The following METTL1 variants were observed in gnomAD, a reference collection of about 807,000 sequenced individuals.
METTL1 encodes tRNA (guanine-N(7)-)-methyltransferase.
In METTL1, 14 loss-of-function variants were observed where a neutral mutation model predicts 27.7. The ratio of observed to expected loss-of-function variants is 0.51; its 90% CI spans 0.33 to 0.79. The LOEUF is 0.79. Among genes scored for constraint, METTL1 ranks in the 30% least tolerant of loss-of-function variants. The pLI is 0.02. For synonymous variants in METTL1, 138 were observed against 137.0 expected, an observed-to-expected ratio of 1.01 and a Z score of -0.05; for missense variants, 333 against 359.6, an observed-to-expected ratio of 0.93 and a Z score of 0.60.
At position 57,768,860 on chromosome 12, in the gene METTL1, T is replaced by C; in HGVS notation, c.*136A>G. The C allele has an allele frequency of 9.1e-7, 1 of 1,098,784 alleles. No individual in the cohort carries two copies. Among genetic ancestry groups the C allele is most frequent in the Non-Finnish European group, 1.3e-6 (1 of 783,930 alleles). 68.1% of individuals were successfully genotyped at this position (1,098,784 alleles called of 1,614,324 possible). On this transcript the variant is annotated 3_prime_UTR_variant, in exon 6 of 6. Transcript: ENST00000324871. ...GGTAGTCATGAACACCAGTGGGTTC[T>C]GCCCTGGGCAGCTCCCCACCTTCTT...
chr12:57,769,278 C>T, intron 5 of METTL1, 25 bp downstream of exon 5: 3 of 1,613,186 alleles, frequency 1.9e-6, no homozygotes, highest in Non-Finnish European at 2.5e-6. Context: ...AAAGGGCCTC[C>T]ACCTCCTCTA....
rs749966401 is a variant in METTL1 at position 57,768,943 on chromosome 12, G to A, written c.*53C>T. 21 of 1,571,800 alleles carry A rather than the reference G, an allele frequency of 1.3e-5. No homozygotes were observed. The highest frequency in any genetic ancestry group is 1.8e-5 in the Non-Finnish European group (21 of 1,150,562). On this transcript the variant is annotated 3_prime_UTR_variant, in exon 6 of 6. Transcript: ENST00000324871. ...TCAACTGGGAAGACCCAGGACTCCT[G>A]CTCTTTTCTCTAATCCCTGGGAGAC...
intron 5 of METTL1, 72 bp downstream of exon 5, chr12:57,769,231 T>A: frequency 6.2e-7 from 1 of 1,610,704 alleles, no homozygotes; most frequent in South Asian, 1.1e-5. Context: ...CCCATCCTCC[T>A]GGCACTGAGT....
intron 4 of METTL1, 56 bp from the exon 5 acceptor site, chr12:57,769,460 T>A: frequency 6.2e-7 from 1 of 1,605,372 alleles, no homozygotes; most frequent in Non-Finnish European, 8.5e-7. Flanking sequence ...AGCAGCCAGA[T>A]GAAGGAAGTG....
At position 57,772,054 on chromosome 12, in the gene METTL1, T is replaced by C. The variant is rs1024737943; in HGVS notation, c.30A>G (p.Gly10=). ...GCTTCTGGGGCGGTGGGGCCTCTGC[T>C]CCGGCCACGTTCCGAGTCTCGGCTG... MAAETRNVA[G]AEAPPPQKRY... The change falls in exon 1 of 6, where the codon GGA becomes GGG. Residue 10 remains glycine, a synonymous_variant. Coordinates refer to ENST00000324871, the MANE Select transcript of METTL1 (RefSeq NM_005371.6). The surrounding 1 kb of genome is among the most constrained non-coding windows in gnomAD (Gnocchi z 4.1). 3 of 1,558,076 alleles carry C rather than the reference T, an allele frequency of 1.9e-6. No homozygotes were observed. Among genetic ancestry groups the C allele is most frequent in the Non-Finnish European group, 2.6e-6 (3 of 1,160,978 alleles).
chr12:57,771,306 G>T (rs747407524), intron 1 of METTL1, 49 bp from the exon 2 acceptor site: 2 of 1,499,006 alleles, frequency 1.3e-6, no homozygotes, highest in Non-Finnish European at 1.8e-6. Context: ...TCACACCATT[G>T]CAGAAGTGGT....
chr12:57,771,440 T>G, intron 1 of METTL1, 183 bp from the exon 2 acceptor site: 1 of 1,465,572 alleles, frequency 6.8e-7, no homozygotes, highest in Non-Finnish European at 9.0e-7. Flanking sequence ...TAACTCCCAG[T>G]GTGAATCATA....
chr12:57,769,204 G>A (rs1955396938), intron 5 of METTL1, 53 bp from the exon 6 acceptor site: 3 of 1,607,236 alleles, frequency 1.9e-6, no homozygotes, highest in Non-Finnish European at 2.6e-6. Flanking sequence ...GACTGCCCCT[G>A]GCCCTTAGAC....
rs1480184271 is a variant in METTL1, at chr12:57,772,036, G to C, written c.48C>G (p.Pro16=). Residue 16 remains proline, a synonymous_variant, in exon 1 of 6, where the codon CCC becomes CCG. Coordinates refer to ENST00000324871, the MANE Select transcript of METTL1 (RefSeq NM_005371.6). This position sits in a 1 kb window ranked among gnomAD's most constrained non-coding sequence, Gnocchi z 4.1. The part of the protein sequence containing the change: ...RNVAGAEAPP[P]QKRYYRQRAH... The stretch of plus-strand genomic sequence containing the variant: ...CACGTTGCCGGTAGTAGCGCTTCTG[G>C]GGCGGTGGGGCCTCTGCTCCGGCCA... 6.4e-7 allele frequency: 1 copy of C among 1,554,324 alleles called. No individual in the cohort carries two copies. Among genetic ancestry groups the C allele is most frequent in the South Asian group, 1.2e-5 (1 of 82,738 alleles).
Position 57,771,957 on chromosome 12 carries a change from C to G in METTL1, c.110+17G>C. 5 of 1,501,522 alleles carry G rather than the reference C, an allele frequency of 3.3e-6. No individual in the cohort carries two copies. In the Admixed American group the frequency reaches 1.3e-4, roughly 38 times the overall value. The allele number at this position is 1,501,522 out of a possible 1,614,324, so 93.0% of individuals were successfully genotyped here. ...GAGAATCCCGCCCTCCTCTCTCTCCCTCTGCCCACTCCTCACTAGCGCAGC... is the reference window on the plus strand; with the variant it reads ...GAGAATCCCGCCCTCCTCTCTCTCCGTCTGCCCACTCCTCACTAGCGCAGC... On this transcript the variant is annotated intron_variant, in intron 1 of 5. Transcript: ENST00000324871.
rs778162680 is a variant in METTL1 at position 57,772,080 on chromosome 12, C to T, written c.4G>A (p.Ala2Thr). MAAETRNVAGAE... is the reference protein window; with the variant it reads MTAETRNVAGAE... The stretch of plus-strand genomic sequence containing the variant: ...CCGGCCACGTTCCGAGTCTCGGCTG[C>T]CATGATCCCAGTCCGGGGTTTCTCT... The change falls in exon 1 of 6, where the codon GCA becomes ACA. Residue 2 changes from alanine to threonine, a missense_variant. By Grantham distance (58) the Ala-to-Thr change is moderately conservative. Coordinates refer to ENST00000324871, the MANE Select transcript of METTL1 (RefSeq NM_005371.6). The surrounding 1 kb of genome is among the most constrained non-coding windows in gnomAD (Gnocchi z 4.1). 3 of 1,566,626 alleles carry T rather than the reference C, an allele frequency of 1.9e-6. No homozygotes were observed. Among genetic ancestry groups the T allele is most frequent in the Middle Eastern group, 1.7e-4 (1 of 5,892 alleles).
chr12:57,771,290 G>A (rs757455494), intron 1 of METTL1, 33 bp from the exon 2 acceptor site: 2 of 1,605,950 alleles, frequency 1.2e-6, no homozygotes, highest in African/African-American at 1.3e-5. Context: ...AGCATGAGAA[G>A]GTTGGTCACA....
chr12:57,772,043 G>T lies in METTL1; in HGVS notation c.41C>A (p.Pro14Gln). 6.4e-7 allele frequency: 1 copy of T among 1,554,446 alleles called. No homozygotes were observed. Among genetic ancestry groups the T allele is most frequent in the Non-Finnish European group, 8.6e-7 (1 of 1,159,776 alleles). Residue 14 changes from proline to glutamine, a missense_variant, in exon 1 of 6, where the codon CCA becomes CAA. Coordinates refer to ENST00000324871, the MANE Select transcript of METTL1 (RefSeq NM_005371.6). The surrounding 1 kb of genome is among the most constrained non-coding windows in gnomAD (Gnocchi z 4.1). Reference sequence around the variant, plus strand: ...CCGGTAGTAGCGCTTCTGGGGCGGTGGGGCCTCTGCTCCGGCCACGTTCCG... The same window carrying T: ...CCGGTAGTAGCGCTTCTGGGGCGGTTGGGCCTCTGCTCCGGCCACGTTCCG... ...ETRNVAGAEA[P>Q]PPQKRYYRQR...
At chr12:57,770,060 G>T in intron 2 of METTL1, 104 bp from the exon 3 acceptor site, 2 of 1,184,120 alleles carry the variant, frequency 1.7e-6, no homozygotes, top group Non-Finnish European at 1.2e-6. Flanking sequence ...CCAAAGTCCA[G>T]AACGGCAAGA....
rs756301657 is a variant in METTL1 at position 57,771,077 on chromosome 12, G to T, written c.274+17C>A. The T allele has an allele frequency of 1.2e-5, 20 of 1,609,072 alleles. No homozygotes were observed. The highest frequency in any genetic ancestry group is 8.5e-5 in the Admixed American group (5 of 58,962). ...ACTAGGCCTCTTCTCACCCCAAAAA[G>T]AGGGCCTGAGTGTTACCTAACAGGC... On this transcript the variant is annotated intron_variant, in intron 2 of 5. Coordinates refer to ENST00000324871, the MANE Select transcript of METTL1 (RefSeq NM_005371.6).
At chr12:57,770,056 TC>T in intron 2 of METTL1, 100 bp from the exon 3 acceptor site, 3 of 1,224,352 alleles carry the variant, frequency 2.5e-6, no homozygotes, top group Non-Finnish European at 3.4e-6. Flanking sequence ...ACTACCAAAG[TC>T]CAGAACGGCA....
rs762473494 is a variant in METTL1, at chr12:57,771,208, A to G, written c.160T>C (p.Phe54Leu). 5.0e-6 allele frequency: 8 copies of G among 1,614,188 alleles called. No individual in the cohort carries two copies. In the South Asian group the frequency reaches 8.8e-5, roughly 18 times the overall value. ...MDWSELYPEF[F>L]APLTQNQSHD... ...CTCTGATTTTGAGTGAGTGGAGCGA[A>G]GAACTCTGGGTATAGCTCAGACCAG... The change falls in exon 2 of 6, where the codon TTC becomes CTC. Residue 54 changes from phenylalanine to leucine, a missense_variant. Phe to Leu is a conservative substitution (Grantham distance 22, BLOSUM62 0). Transcript: ENST00000324871.
rs930650442 is a variant in METTL1 at position 57,769,057 on chromosome 12, C to T, written c.770G>A (p.Arg257Gln). 13 of 1,611,944 alleles carry T rather than the reference C, an allele frequency of 8.1e-6. No individual in the cohort carries two copies. Among genetic ancestry groups the T allele is most frequent in the African/African-American group, 4.0e-5 (3 of 74,870 alleles). ...CTGGAGGACGGGATCTTGTATTCTTCGGAAGATGGCTGGGAAATTCTTCCC... is the reference window on the plus strand; with the variant it reads ...CTGGAGGACGGGATCTTGTATTCTTTGGAAGATGGCTGGGAAATTCTTCCC... ...NGGKNFPAIF[R>Q]RIQDPVLQAV... The change falls in exon 6 of 6, where the codon CGA (arginine) becomes CAA (glutamine). Residue 257 changes from arginine (R) to glutamine (Q), a missense_variant. Coordinates refer to ENST00000324871, the MANE Select transcript of METTL1 (RefSeq NM_005371.6).
chr12:57,771,882 A>G, intron 1 of METTL1, 92 bp downstream of exon 1: 1 of 1,393,658 alleles, frequency 7.2e-7, no homozygotes, highest in Non-Finnish European at 9.6e-7. Flanking sequence ...TCCCGGGTCT[A>G]CCCCAAATCC....
Sources: allele counts gnomAD v4.1 joint callset, GRCh38; gene constraint gnomAD v4.1.1; non-coding constraint Gnocchi (gnomAD v3.1); transcripts MANE v1.5; gene names NCBI Gene and HGNC (gene_info 2026-07-23, HGNC 2026-07-21).